Variants in MSI2 observed in about 807,000 individuals in gnomAD.
MSI2 encodes the protein RNA-binding protein Musashi homolog 2.
In MSI2, 17 loss-of-function variants were observed where a neutral mutation model predicts 45.6. That is an observed-to-expected ratio of 0.37 (90% CI 0.26 to 0.56). The LOEUF is 0.56. MSI2 is among the 20% of genes least tolerant of loss of function. MSI2 has a pLI of 0.77. For missense variants in MSI2, 293 were observed against 444.2 expected, an observed-to-expected ratio of 0.66 and a Z score of 3.06; for synonymous variants, 156 against 158.2, an observed-to-expected ratio of 0.99 and a Z score of 0.11.
At chr17:57,386,950 T>C (rs2083697390) in intron 5 of MSI2, among the ~76,000 whole-genome samples, 1 of 152,200 alleles carries the variant, frequency 6.6e-6, no homozygotes, top group Non-Finnish European at 1.5e-5. Context: ...AACTTCCCCT[T>C]AGAAGACCCT....
intron 9 of MSI2, chr17:57,616,664 G>A (rs1907744017): frequency 6.6e-6 from 1 of 151,538 alleles, no homozygotes; most frequent in South Asian, 2.1e-4. Flanking sequence ...GACAAAGTGT[G>A]TTTGTTCTGA....
At chr17:57,558,223 A>G (rs1039973968) in intron 7 of MSI2, among the ~76,000 whole-genome samples, 5 of 152,178 alleles carry the variant, frequency 3.3e-5, no homozygotes, top group Non-Finnish European at 7.3e-5. Context: ...AATTGCACCT[A>G]TTCAGCACTG....
chr17:57,352,154 C>A (rs1391771444), intron 5 of MSI2, among the ~76,000 whole-genome samples: 1 of 152,202 alleles, frequency 6.6e-6, no homozygotes, highest in Non-Finnish European at 1.5e-5. Context: ...ACCAAGTAGG[C>A]ACTCAACAAG....
At chr17:57,470,504 C>A (rs1415149156) in intron 6 of MSI2, among the ~76,000 whole-genome samples, 3 of 152,180 alleles carry the variant, frequency 2.0e-5, no homozygotes, top group African/African-American at 7.2e-5. Flanking sequence ...TCTCGAACTC[C>A]TGACCTCAGG....
At chr17:57,267,725 AC>A (rs1463980934) in intron 5 of MSI2, 5 of 151,492 alleles carry the variant, frequency 3.3e-5, no homozygotes, top group Non-Finnish European at 5.9e-5. Flanking sequence ...GTATGCGTGC[AC>A]CCACTTTTGG....
At chr17:57,623,740 C>T (rs767381151) in intron 9 of MSI2, among the ~76,000 whole-genome samples, 6 of 152,194 alleles carry the variant, frequency 3.9e-5, no homozygotes, top group African/African-American at 7.2e-5. Flanking sequence ...TGTGGCTTGA[C>T]GGAGCGTCTG....
chr17:57,352,570 C>G (rs953984482), intron 5 of MSI2, among the ~76,000 whole-genome samples: 8 of 152,172 alleles, frequency 5.3e-5, no homozygotes, highest in Non-Finnish European at 2.9e-5. Flanking sequence ...TTTCTTCTTG[C>G]TCTTCCATGC....
At chr17:57,645,305 G>A (rs1425294634) in intron 10 of MSI2, among the ~76,000 whole-genome samples, 4 of 152,326 alleles carry the variant, frequency 2.6e-5, no homozygotes, top group African/African-American at 9.6e-5. Flanking sequence ...TTAGCCCCCT[G>A]TATTCTCAGG....
At chr17:57,622,839 A>T (rs1908443218) in intron 9 of MSI2, among the ~76,000 whole-genome samples, 1 of 152,184 alleles carries the variant, frequency 6.6e-6, no homozygotes, top group East Asian at 1.9e-4. Flanking sequence ...TCCTTTGTTT[A>T]GCCGCTTCCT....
chr17:57,553,938 C>G lies in MSI2; in HGVS notation c.454+24214C>G, dbSNP rs539325328. On this transcript the variant is annotated intron_variant, in intron 7 of 13. Transcript: ENST00000284073. Reference sequence around the variant, plus strand: ...AGAGAGAAGTTTTTTCAGTCTGGTCCTTCATGTAGGCTTAACAATTCTAGG... The same window carrying G: ...AGAGAGAAGTTTTTTCAGTCTGGTCGTTCATGTAGGCTTAACAATTCTAGG... Among the ~76,000 whole-genome samples the G allele has an allele frequency of 5.9e-5, 9 of 152,254 alleles. 1 individual carries two copies. The highest frequency in any genetic ancestry group is 5.9e-4 in the Admixed American group (9 of 15,304).
At chr17:57,260,689 A>AT (rs1907228940) in intron 4 of MSI2, among the ~76,000 whole-genome samples, 2 of 152,144 alleles carry the variant, frequency 1.3e-5, no homozygotes, top group Non-Finnish European at 2.9e-5. Context: ...ATTTTTGTCT[A>AT]TTTTAGTTTT....
intron 5 of MSI2, among the ~76,000 whole-genome samples, chr17:57,305,523 A>G (rs943877999): frequency 1.3e-5 from 2 of 152,190 alleles, no homozygotes; most frequent in South Asian, 2.1e-4. Flanking sequence ...TGGGCAATGT[A>G]GTCAAAACAC....
chr17:57,647,570 C>T (rs2144671770), intron 10 of MSI2, among the ~76,000 whole-genome samples: 1 of 152,270 alleles, frequency 6.6e-6, no homozygotes, highest in Admixed American at 6.5e-5. Flanking sequence ...AGAGTCCTGT[C>T]TTGAAGACAG....
intron 6 of MSI2, among the ~76,000 whole-genome samples, chr17:57,525,805 G>A (rs2086684643): frequency 6.6e-6 from 1 of 152,214 alleles, no homozygotes; most frequent in African/African-American, 2.4e-5. Context: ...GCCTGCAGGT[G>A]CCCATTTCAG....
intron 6 of MSI2, among the ~76,000 whole-genome samples, chr17:57,409,272 TCTC>T (rs2084143439): frequency 6.6e-6 from 1 of 152,194 alleles, no homozygotes; most frequent in Non-Finnish European, 1.5e-5. Flanking sequence ...TTATTTTTCT[TCTC>T]CTCCTCTTTC....
intron 6 of MSI2, among the ~76,000 whole-genome samples, chr17:57,476,323 C>T (rs1209615601): frequency 6.6e-6 from 1 of 152,194 alleles, no homozygotes; most frequent in Non-Finnish European, 1.5e-5. Flanking sequence ...AACCTCCTGG[C>T]ACCTTCCCCT....
At chr17:57,550,349 G>A (rs938752040) in intron 7 of MSI2, among the ~76,000 whole-genome samples, 3 of 152,154 alleles carry the variant, frequency 2.0e-5, no homozygotes, top group Admixed American at 6.5e-5. Context: ...GGACACCCCC[G>A]TTTGGGACTT....
intron 6 of MSI2, chr17:57,450,295 GAAAGAAAGAA>G (rs1200996916): frequency 7.5e-6 from 1 of 133,700 alleles, no homozygotes; most frequent in Non-Finnish European, 1.6e-5. Context: ...AAGAAAGAAA[GAAAGAAAGAA>G]AGAAAGAAAG....
chr17:57,512,244 A>G (rs1279921351), intron 6 of MSI2, among the ~76,000 whole-genome samples: 1 of 152,188 alleles, frequency 6.6e-6, no homozygotes, highest in African/African-American at 2.4e-5. Flanking sequence ...TTTGGGCCTA[A>G]TATGGTAAAT....
Sources: allele counts gnomAD v4.1 joint callset (sites outside exome capture counted in the v4.1 genomes callset), GRCh38; gene constraint gnomAD v4.1.1; transcripts MANE v1.5; gene names NCBI Gene and HGNC (gene_info 2026-07-23, HGNC 2026-07-21).